Variants in ZDHHC11B observed in about 807,000 individuals in gnomAD.
ZDHHC11B encodes probable palmitoyltransferase ZDHHC11B.
A neutral mutation model predicts 42.3 loss-of-function variants in ZDHHC11B; 17 were observed. The observed-to-expected ratio is 0.40, with a 90% CI of 0.27 to 0.60. The LOEUF is 0.60. Ranked by LOEUF, ZDHHC11B falls within the 20% of genes least tolerant of loss-of-function variation. The probability of loss-of-function intolerance (pLI) is 0.41; values close to 1 mark genes in which losing one functional copy is unlikely to be tolerated. For synonymous variants in ZDHHC11B, 123 were observed against 193.5 expected (o/e 0.64, Z 3.02); for missense variants, 262 against 463.2 (o/e 0.57, Z 3.99).
chr5:759,640 A>G (rs1734326375), intron 4 of ZDHHC11B, among the ~76,000 whole-genome samples: 1 of 151,962 alleles, frequency 6.6e-6, no homozygotes, highest in South Asian at 2.1e-4. Flanking sequence ...GCACGCGGGC[A>G]CTGAGGCATG....
rs547178063 is a variant in ZDHHC11B at position 733,718 on chromosome 5, T to A, written c.1023+34A>T. ...ACCACATATTCTGCACACGGCCCTG[T>A]CCTCAGGGTGCATTGCTGGTGACTG... On this transcript the variant is annotated intron_variant, in intron 11 of 13. Coordinates refer to ENST00000508859, the MANE Select transcript of ZDHHC11B (RefSeq NM_001351303.2). 160 of 1,581,462 alleles carry A rather than the reference T, an allele frequency of 1.0e-4. 3 individuals carry two copies. The highest frequency in any genetic ancestry group is 6.1e-4 in the African/African-American group (45 of 73,772).
intron 1 of ZDHHC11B, among the ~76,000 whole-genome samples, chr5:773,338 G>T (rs186677353): frequency 5.9e-5 from 9 of 151,920 alleles, no homozygotes; most frequent in Admixed American, 4.6e-4. Flanking sequence ...ATTTCCCCCA[G>T]AGGCTCTGCT....
Position 737,549 on chromosome 5 carries a change from T to C in ZDHHC11B, c.936-3710A>G, listed in dbSNP as rs1302138148. ...CTCATGAATATAGATGCAAAAATCC[T>C]CAACAAAATACTAGCGAACCGAATC... is the stretch of plus-strand genomic sequence containing the variant. On this transcript the variant is annotated intron_variant, in intron 10 of 13. Coordinates refer to ENST00000508859, the MANE Select transcript of ZDHHC11B (RefSeq NM_001351303.2). Among the ~76,000 whole-genome samples, 9 of 149,302 alleles carry C rather than the reference T, an allele frequency of 6.0e-5. No homozygotes were observed. In the South Asian group the frequency reaches 2.0e-3, roughly 33 times the overall value.
intron 12 of ZDHHC11B, among the ~76,000 whole-genome samples, chr5:718,762 C>T (rs1741967920): frequency 2.0e-5 from 3 of 151,024 alleles, no homozygotes; most frequent in Admixed American, 6.6e-5. Flanking sequence ...GAATGGTGTA[C>T]ATGAGCCAGC....
chr5:717,655 A>G (rs1356794493), intron 12 of ZDHHC11B, among the ~76,000 whole-genome samples: 1 of 151,880 alleles, frequency 6.6e-6, no homozygotes. Flanking sequence ...AGGACAGGAC[A>G]TCAAAGAAAA....
At chr5:751,514 C>G (rs11743654) in intron 6 of ZDHHC11B, among the ~76,000 whole-genome samples, 1 of 23,610 alleles carries the variant, frequency 4.2e-5, no homozygotes, top group African/African-American at 1.1e-4. Flanking sequence ...GAGGCAGGGG[C>G]AGGGACACGC....
intron 10 of ZDHHC11B, among the ~76,000 whole-genome samples, chr5:735,798 C>A (rs1306045736): frequency 1.3e-5 from 2 of 149,918 alleles, no homozygotes; most frequent in African/African-American, 4.9e-5. Flanking sequence ...GTCAGTCCTA[C>A]AAGAAATACT....
chr5:770,408 G>A (rs1313557223), intron 1 of ZDHHC11B, among the ~76,000 whole-genome samples: 1 of 150,484 alleles, frequency 6.6e-6, no homozygotes, highest in Non-Finnish European at 1.5e-5. Context: ...AGAGCCCAGG[G>A]TGGGAGCTGA....
intron 11 of ZDHHC11B, chr5:732,483 G>C (rs2277061): frequency 0.14 from 46,699 of 324,504 alleles, 3,855 homozygotes; most frequent in Non-Finnish European, 0.19. Flanking sequence ...GAGTCTGGGC[G>C]GGGGTGGGCT....
At position 773,336 on chromosome 5, in the gene ZDHHC11B, C is replaced by T. The variant is rs1736208589; in HGVS notation, c.-229-4406G>A. 2.0e-5 allele frequency among the ~76,000 whole-genome samples: 3 copies of T among 151,938 alleles called. No individual in the cohort carries two copies. In the South Asian group the frequency reaches 6.3e-4, roughly 32 times the overall value. On this transcript the variant is annotated intron_variant, in intron 1 of 13. Coordinates refer to ENST00000508859, the MANE Select transcript of ZDHHC11B (RefSeq NM_001351303.2). ...GTGCAGACCCTCACACCATTTCCCC[C>T]AGAGGCTCTGCTCTTTCACCGTGAG...
chr5:769,964 A>C (rs1735857131), intron 1 of ZDHHC11B, among the ~76,000 whole-genome samples: 1 of 151,848 alleles, frequency 6.6e-6, no homozygotes, highest in South Asian at 2.1e-4. Context: ...CCAGCACCAC[A>C]GCCCCGCGAG....
At chr5:776,932 C>T (rs1736549803) in intron 1 of ZDHHC11B, among the ~76,000 whole-genome samples, 1 of 151,930 alleles carries the variant, frequency 6.6e-6, no homozygotes, top group Non-Finnish European at 1.5e-5. Context: ...CCCCACTCTT[C>T]TCAGCCCAGG....
chr5:723,024 T>C (rs1457892503), intron 12 of ZDHHC11B, among the ~76,000 whole-genome samples: 40 of 151,492 alleles, frequency 2.6e-4, no homozygotes, highest in Admixed American at 2.5e-3. Flanking sequence ...GGAACAAAAT[T>C]TGAAGGAAAG....
At chr5:742,658 T>G (rs1394854765) in intron 9 of ZDHHC11B, among the ~76,000 whole-genome samples, 1 of 149,826 alleles carries the variant, frequency 6.7e-6, no homozygotes, top group African/African-American at 2.5e-5. Flanking sequence ...GTTGCACACA[T>G]GTCATGTAAA....
intron 4 of ZDHHC11B, among the ~76,000 whole-genome samples, chr5:760,769 A>ACTCC (rs1338614811): frequency 6.6e-6 from 1 of 151,730 alleles, no homozygotes; most frequent in Non-Finnish European, 1.5e-5. Flanking sequence ...TATGCCTGAG[A>ACTCC]CTCAGAGTCC....
intron 4 of ZDHHC11B, among the ~76,000 whole-genome samples, chr5:766,290 GCAGACCCGGGA>G (rs1440512165): frequency 7.4e-4 from 87 of 117,026 alleles, no homozygotes; most frequent in African/African-American, 2.5e-3. Context: ...GGAGACGGGA[GCAGACCCGGGA>G]CCCCTGCCGC....
intron 12 of ZDHHC11B, among the ~76,000 whole-genome samples, chr5:728,931 A>G (rs1742794944): frequency 1.3e-5 from 2 of 151,506 alleles, no homozygotes; most frequent in Admixed American, 6.6e-5. Context: ...GTGGACTGCA[A>G]GAATCCAAGT....
chr5:717,234 C>A (rs1741820032), intron 12 of ZDHHC11B, among the ~76,000 whole-genome samples: 2 of 151,120 alleles, frequency 1.3e-5, no homozygotes, highest in Non-Finnish European at 2.9e-5. Context: ...CTTCTCACAA[C>A]TCTTGCTTGA....
chr5:777,334 C>T (rs1461646773), intron 1 of ZDHHC11B, among the ~76,000 whole-genome samples: 8 of 151,798 alleles, frequency 5.3e-5, no homozygotes, highest in African/African-American at 1.2e-4. Context: ...GTGTTACTTA[C>T]GCCTCTCAGA....
Sources: allele counts gnomAD v4.1 joint callset (sites outside exome capture counted in the v4.1 genomes callset), GRCh38; gene constraint gnomAD v4.1.1; transcripts MANE v1.5; gene names NCBI Gene and HGNC (gene_info 2026-07-23, HGNC 2026-07-21).